Variants in EML4 observed in about 807,000 individuals in gnomAD.
EML4 encodes EMAP like 4.
In EML4, 72 loss-of-function variants were observed where a neutral mutation model predicts 129.0. That is an observed-to-expected ratio of 0.56 (90% CI 0.46 to 0.68). The LOEUF is 0.68. Among genes scored for constraint, EML4 ranks in the 30% least tolerant of loss-of-function variants. The pLI, the probability that EML4 is intolerant of heterozygous loss-of-function variation, is 0.00. For synonymous variants in EML4, 532 were observed against 405.0 expected (o/e 1.31, Z -3.77); for missense variants, 1,363 against 1,190.6 (o/e 1.14, Z -2.13).
chr2:42,312,112 A>G (rs939323543), intron 17 of EML4, among the ~76,000 whole-genome samples: 1 of 152,214 alleles, frequency 6.6e-6, no homozygotes, highest in Non-Finnish European at 1.5e-5. Flanking sequence ...AAGTATTCAC[A>G]TATGAAAGAT....
chr2:42,281,425 T>C (rs1325388471), intron 7 of EML4, among the ~76,000 whole-genome samples: 1 of 151,278 alleles, frequency 6.6e-6, no homozygotes, highest in African/African-American at 2.4e-5. Context: ...AGACATTATC[T>C]CTAATTCTTT....
intron 17 of EML4, among the ~76,000 whole-genome samples, chr2:42,311,760 A>G (rs954230432): frequency 6.6e-6 from 1 of 152,358 alleles, no homozygotes; most frequent in East Asian, 1.9e-4. Flanking sequence ...AGGGATACTC[A>G]TAAAAATTGG....
chr2:42,268,512 A>C (rs762014544), intron 6 of EML4, among the ~76,000 whole-genome samples: 1 of 152,098 alleles, frequency 6.6e-6, no homozygotes, highest in Non-Finnish European at 1.5e-5. Context: ...ATCATAACTC[A>C]CTGCAGCCTT....
At chr2:42,258,143 G>C (rs1665467181) in intron 3 of EML4, among the ~76,000 whole-genome samples, 1 of 152,148 alleles carries the variant, frequency 6.6e-6, no homozygotes, top group Non-Finnish European at 1.5e-5. Flanking sequence ...GAGTTTGTTA[G>C]TTTATGATCC....
Position 42,265,367 on chromosome 2 carries a change from A to G in EML4, c.667+636A>G, listed in dbSNP as rs184354873. Among the ~76,000 whole-genome samples, 4 of 152,222 alleles carry G rather than the reference A, an allele frequency of 2.6e-5. No homozygotes were observed. In the East Asian group the frequency reaches 7.7e-4, roughly 29 times the overall value. On this transcript the variant is annotated intron_variant, in intron 6 of 22. Coordinates refer to ENST00000318522, the MANE Select transcript of EML4 (RefSeq NM_019063.5). ...TGATCAGCCCGCCTCAGCCTCCCAA[A>G]GTGCAGGGATTACACGCATGAGCCA...
At chr2:42,255,307 G>A (rs984657268) in intron 2 of EML4, among the ~76,000 whole-genome samples, 3 of 151,922 alleles carry the variant, frequency 2.0e-5, no homozygotes, top group Non-Finnish European at 4.4e-5. Flanking sequence ...GGATGGACTC[G>A]ATCTCCTGAC....
intron 3 of EML4, among the ~76,000 whole-genome samples, chr2:42,260,161 G>T (rs1322364735): frequency 1.3e-5 from 2 of 150,874 alleles, no homozygotes; most frequent in African/African-American, 2.4e-5. Context: ...CACCACACCC[G>T]GGCTCTGTGA....
chr2:42,280,420 G>A (rs1666940185), intron 6 of EML4, among the ~76,000 whole-genome samples: 1 of 152,068 alleles, frequency 6.6e-6, no homozygotes, highest in Admixed American at 6.6e-5. Context: ...GTATCCATGG[G>A]TTCTACATCC....
rs770024782 is a variant in EML4, at chr2:42,330,150, G to A, written c.2889G>A (p.Lys963=). Residue 963 remains lysine (K), a synonymous_variant, in exon 23 of 23, where the codon AAG becomes AAA. Coordinates refer to ENST00000318522, the MANE Select transcript of EML4 (RefSeq NM_019063.5). Reference sequence around the variant, plus strand: ...AAGAGCCATGCAACGAGATAAGCAAGGAGCAGGCCAAAGCCACCCTTCTGG... The same window carrying A: ...AAGAGCCATGCAACGAGATAAGCAAAGAGCAGGCCAAAGCCACCCTTCTGG... ...LYEEPCNEIS[K]EQAKATLLED... is the part of the protein sequence containing the mutation. 6.2e-7 allele frequency: 1 copy of A among 1,612,150 alleles called. No homozygotes were observed. The highest frequency in any genetic ancestry group is 1.7e-5 in the Admixed American group (1 of 59,648).
At chr2:42,319,575 A>C (rs901019173) in intron 19 of EML4, 3 of 152,216 alleles carry the variant, frequency 2.0e-5, no homozygotes, top group African/African-American at 7.2e-5. Context: ...CTGGTCTTAT[A>C]GTCAGTCCCC....
At position 42,317,537 on chromosome 2, in the gene EML4, GT is replaced by G. The variant is rs1669306355; in HGVS notation, c.2154+14del. 1 of 1,542,080 alleles carries G rather than the reference GT, an allele frequency of 6.5e-7. No homozygotes were observed. ...TGGAAGGTGCACTGTAAGTAGTGAA[GT>G]AGAACAAGTTGTAAAATTATTGGGA... On this transcript the variant is annotated intron_variant, in intron 19 of 22. Transcript: ENST00000318522.
intron 9 of EML4, among the ~76,000 whole-genome samples, chr2:42,285,067 CTTAATTAA>C (rs71408093): frequency 0.016 from 2,380 of 149,878 alleles, 26 homozygotes; most frequent in Non-Finnish European, 0.026. Flanking sequence ...TATTTACTTT[CTTAATTAA>C]TTAATTAATT....
At chr2:42,285,531 A>T (rs1317403921) in intron 9 of EML4, among the ~76,000 whole-genome samples, 1 of 152,080 alleles carries the variant, frequency 6.6e-6, no homozygotes, top group Non-Finnish European at 1.5e-5. Flanking sequence ...GATTAGTAAT[A>T]CTAAAAGCAA....
chr2:42,218,822 G>C (rs900754213), intron 1 of EML4, among the ~76,000 whole-genome samples: 3 of 152,170 alleles, frequency 2.0e-5, no homozygotes, highest in Non-Finnish European at 4.4e-5. Context: ...TTCAAAATCA[G>C]TGAAATTTCT....
intron 19 of EML4, among the ~76,000 whole-genome samples, chr2:42,321,522 A>T (rs764481160): frequency 2.0e-5 from 3 of 152,120 alleles, no homozygotes; most frequent in Non-Finnish European, 4.4e-5. Context: ...ACATCATAAC[A>T]TGCTGCTGGA....
intron 6 of EML4, among the ~76,000 whole-genome samples, chr2:42,276,884 A>G (rs1304427398): frequency 1.3e-5 from 2 of 152,230 alleles, no homozygotes; most frequent in African/African-American, 4.8e-5. Flanking sequence ...ACCAATTTAT[A>G]GATAGTGAAA....
At chr2:42,185,609 A>G (rs750802863) in intron 1 of EML4, among the ~76,000 whole-genome samples, 1 of 152,174 alleles carries the variant, frequency 6.6e-6, no homozygotes, top group Non-Finnish European at 1.5e-5. Context: ...CTGCTAAGTA[A>G]ATATTAATAA....
chr2:42,282,993 G>T, intron 8 of EML4, 21 bp downstream of exon 8: 1 of 1,551,714 alleles, frequency 6.4e-7, no homozygotes, highest in Non-Finnish European at 8.7e-7. Context: ...TTTAACATTG[G>T]TTCATTTTTG....
Position 42,242,033 on chromosome 2 carries a change from C to T in EML4, c.26-3472C>T, listed in dbSNP as rs10177453. On this transcript the variant is annotated intron_variant, in intron 1 of 22. Coordinates refer to ENST00000318522, the MANE Select transcript of EML4 (RefSeq NM_019063.5). Reference sequence around the variant, plus strand: ...TTACAAGCTGAACCACCTTTCTTGTCACTATCCAAGTTTCACACAACTTAA... The same window carrying T: ...TTACAAGCTGAACCACCTTTCTTGTTACTATCCAAGTTTCACACAACTTAA... 2.0e-3 allele frequency among the ~76,000 whole-genome samples: 312 copies of T among 152,254 alleles called. 2 individuals are homozygous for T. The highest frequency in any genetic ancestry group is 7.1e-3 in the African/African-American group (297 of 41,548).
Sources: gnomAD v4.1 joint callset for allele counts (sites outside exome capture counted in the v4.1 genomes callset) on GRCh38, gnomAD v4.1.1 for gene constraint, MANE v1.5 for transcripts, NCBI Gene and HGNC (gene_info 2026-07-23, HGNC 2026-07-21) for gene names.